MYO18B: variants seen among roughly 807,000 people sequenced by gnomAD.
MYO18B encodes unconventional myosin-XVIIIb.
Under a neutral mutation model 273.0 loss-of-function variants are expected in MYO18B, and 204 were observed. The ratio of observed to expected loss-of-function variants is 0.75; its 90% confidence interval spans 0.67 to 0.84. The LOEUF (loss-of-function observed/expected upper bound fraction) is 0.84. MYO18B is among the 40% of genes least tolerant of loss of function. The probability of loss-of-function intolerance (pLI) is 0.00; values close to 1 mark genes in which losing one functional copy is unlikely to be tolerated. For missense variants in MYO18B, 3,212 were observed against 3,287.6 expected, an observed-to-expected ratio of 0.98 and a Z score of 0.56; for synonymous variants, 1,330 against 1,305.7, an observed-to-expected ratio of 1.02 and a Z score of -0.40.
At chr22:25,769,511 G>T in intron 4 of MYO18B, 83 bp downstream of exon 4, 41 of 1,245,430 alleles carry the variant, frequency 3.3e-5, no homozygotes, top group Non-Finnish European at 4.1e-5. Flanking sequence ...CTGCCCCAGG[G>T]ATGGACAAGG....
At chr22:25,761,244 T>C in intron 2 of MYO18B, 113 bp downstream of exon 2, 4 of 1,195,022 alleles carry the variant, frequency 3.3e-6, no homozygotes, top group South Asian at 1.2e-5. Context: ...CCAGCCCTCC[T>C]AGTAGCATGT....
chr22:25,777,585 GC>G lies in MYO18B; in HGVS notation c.1875del (p.Lys626ArgfsTer23). On this transcript the variant is annotated frameshift_variant, in exon 8 of 44. Transcript: ENST00000335473. LOFTEE classifies it high-confidence loss of function. Reference sequence around the variant, plus strand: ...TGATACCTGTGATCTTCCTGCAGGTGCCCAAGGGCCGCCGGGATGGCCTGCC... The same window carrying G: ...TGATACCTGTGATCTTCCTGCAGGTGCCAAGGGCCGCCGGGATGGCCTGCC... ...GPSVPSAGKV[P>X]KGRRDGLPAH... 1 of 1,585,186 alleles carries G rather than the reference GC, an allele frequency of 6.3e-7. No individual in the cohort carries two copies. The highest frequency in any genetic ancestry group is 8.6e-7 in the Non-Finnish European group (1 of 1,166,530).
intron 38 of MYO18B, 37 bp downstream of exon 38, chr22:25,952,460 G>A: frequency 6.2e-7 from 1 of 1,609,656 alleles, no homozygotes; most frequent in South Asian, 1.1e-5. Flanking sequence ...TGGGCCAAGA[G>A]CAGGGAGAGC....
chr22:25,942,786 G>A (rs922425147), intron 34 of MYO18B, among the ~76,000 whole-genome samples: 2 of 152,052 alleles, frequency 1.3e-5, no homozygotes, highest in African/African-American at 2.4e-5. Context: ...AAACCATCAG[G>A]GCCAAGATAA....
chr22:25,860,397 T>A (rs1277280226), intron 21 of MYO18B, among the ~76,000 whole-genome samples: 1 of 152,212 alleles, frequency 6.6e-6, no homozygotes, highest in Non-Finnish European at 1.5e-5. Flanking sequence ...TTGATTTGAG[T>A]TTTCTCTACT....
chr22:25,789,108 C>CTCCTCT (rs1555891966), intron 11 of MYO18B, among the ~76,000 whole-genome samples: 2 of 134,204 alleles, frequency 1.5e-5, no homozygotes, highest in Non-Finnish European at 3.1e-5. Context: ...CTTCCTCCTC[C>CTCCTCT]TCCTCCTCCT....
intron 13 of MYO18B, among the ~76,000 whole-genome samples, chr22:25,825,924 T>C (rs953417564): frequency 2.0e-5 from 3 of 152,218 alleles, no homozygotes; most frequent in African/African-American, 7.2e-5. Flanking sequence ...ATCATAAACA[T>C]TTACTGAGTG....
chr22:25,796,289 T>A (rs926170819), intron 11 of MYO18B, among the ~76,000 whole-genome samples: 4 of 152,150 alleles, frequency 2.6e-5, no homozygotes, highest in Non-Finnish European at 5.9e-5. Flanking sequence ...TTCCTTCTGT[T>A]AAAATCTTTG....
At chr22:25,789,126 TTCC>T (rs1239699093) in intron 11 of MYO18B, among the ~76,000 whole-genome samples, 9 of 111,380 alleles carry the variant, frequency 8.1e-5, no homozygotes, top group East Asian at 2.8e-4. Context: ...CCTCCTCCTC[TTCC>T]TCCTCCTCCT....
rs754999710 is a variant in MYO18B at position 25,777,623 on chromosome 22, G to T, written c.1910G>T (p.Gly637Val). The T allele has an allele frequency of 6.2e-7, 1 of 1,607,478 alleles. No individual in the cohort carries two copies. The highest frequency in any genetic ancestry group is 8.5e-7 in the Non-Finnish European group (1 of 1,177,074). Residue 637 changes from glycine to valine, a missense_variant, in exon 8 of 44, where the codon GGC (glycine) becomes GTC (valine). Transcript: ENST00000335473. ...CGGGATGGCCTGCCTGCCCACATTG[G>T]CTCCATGGCACAGCGGGCATACTGG... ...GRRDGLPAHI[G>V]SMAQRAYWAL...
chr22:25,796,843 C>G (rs2087934416), intron 11 of MYO18B, among the ~76,000 whole-genome samples: 1 of 152,230 alleles, frequency 6.6e-6, no homozygotes, highest in Non-Finnish European at 1.5e-5. Flanking sequence ...AGCCCACGCC[C>G]TTTAGTATCA....
chr22:25,835,696 C>T (rs544558930), intron 17 of MYO18B, among the ~76,000 whole-genome samples: 1 of 152,376 alleles, frequency 6.6e-6, no homozygotes, highest in Non-Finnish European at 1.5e-5. Context: ...ATGGGGAAGG[C>T]ACAAGCTCAC....
At chr22:25,939,804 G>C (rs2092623090) in intron 34 of MYO18B, among the ~76,000 whole-genome samples, 1 of 152,138 alleles carries the variant, frequency 6.6e-6, no homozygotes, top group Admixed American at 6.5e-5. Context: ...GGAACTTCAT[G>C]ACCAGACTAC....
chr22:25,914,375 C>T (rs1158723402), intron 33 of MYO18B, among the ~76,000 whole-genome samples: 7 of 151,720 alleles, frequency 4.6e-5, no homozygotes, highest in Admixed American at 3.9e-4. Context: ...TTGCATATGC[C>T]CTCTCCATTT....
At chr22:26,053,517 G>A in the MYO18B span, among the ~76,000 whole-genome samples, 1 of 152,168 alleles carries the variant, frequency 6.6e-6, no homozygotes, top group African/African-American at 2.4e-5. Flanking sequence ...TCTTATTACT[G>A]TAATCTATAT....
chr22:25,820,215 G>A (rs1405889312), intron 12 of MYO18B, among the ~76,000 whole-genome samples: 1 of 151,362 alleles, frequency 6.6e-6, no homozygotes, highest in Non-Finnish European at 1.5e-5. Context: ...GTAAAATGAG[G>A]TTAATACAGT....
In MYO18B at chr22:25,987,707, A is replaced by G. The variant is rs56868394; in HGVS notation, c.6157-4656A>G. Among the ~76,000 whole-genome samples the G allele has an allele frequency of 6.5e-3, 986 of 152,278 alleles. 9 individuals carry two copies. The highest frequency in any genetic ancestry group is 0.026 in the South Asian group (123 of 4,816). The stretch of plus-strand genomic sequence containing the variant: ...GACTTTATTTGTATTGCCGGCACCT[A>G]GATCAGTGCTGCGCCTCATAGGTGC... On this transcript the variant is annotated intron_variant, in intron 39 of 43. Coordinates refer to ENST00000335473, the MANE Select transcript of MYO18B (RefSeq NM_032608.7).
the MYO18B span, among the ~76,000 whole-genome samples, chr22:26,046,054 T>C: frequency 1.3e-5 from 2 of 152,242 alleles, no homozygotes; most frequent in African/African-American, 2.4e-5. Flanking sequence ...TGCCTGACTC[T>C]GCTAGGCAAC....
chr22:26,027,912 C>A lies in MYO18B; in HGVS notation c.*12+222C>A. 2.0e-6 allele frequency: 1 copy of A among 497,796 alleles called. No individual in the cohort carries two copies. The highest frequency in any genetic ancestry group is 2.8e-5 in the South Asian group (1 of 35,922). 30.8% of individuals were successfully genotyped at this position (497,796 alleles called of 1,614,324 possible). On this transcript the variant is annotated intron_variant, in intron 43 of 43. Transcript: ENST00000335473. This position sits in a 1 kb window ranked among gnomAD's most constrained non-coding sequence, Gnocchi z 4.1. ...CTTGTACTTTGAAATGCAGACACAT[C>A]AGAAAGTAAGAGGTTCCTGTGGGAT...
Sources: allele counts gnomAD v4.1 joint callset (sites outside exome capture counted in the v4.1 genomes callset), GRCh38; gene constraint gnomAD v4.1.1; non-coding constraint Gnocchi (gnomAD v3.1); transcripts MANE v1.5; gene names NCBI Gene and HGNC (gene_info 2026-07-23, HGNC 2026-07-21).